Variants in MCTP2 observed in about 807,000 individuals in gnomAD.
The protein encoded by MCTP2 is multiple C2 and transmembrane domain-containing protein 2.
A neutral mutation model predicts 111.6 loss-of-function variants in MCTP2; 132 were observed. The ratio of observed to expected loss-of-function variants is 1.18; its 90% confidence interval spans 1.03 to 1.37. The LOEUF is 1.37. MCTP2 is among the 40% of genes most tolerant of loss of function. The probability of loss-of-function intolerance (pLI) is 0.00; values close to 1 mark genes in which losing one functional copy is unlikely to be tolerated. For missense variants in MCTP2, 1,183 were observed against 1,067.9 expected (o/e 1.11, Z -1.50); for synonymous variants, 395 against 387.7 (o/e 1.02, Z -0.22).
At position 94,278,404 on chromosome 15, in the gene MCTP2, G is replaced by A. The variant is rs373606640; in HGVS notation, c.-65-19797G>A. 2.8e-3 allele frequency: 424 copies of A among 152,228 alleles called. 3 individuals carry two copies. The highest frequency in any genetic ancestry group is 9.7e-3 in the African/African-American group (401 of 41,546). 9.4% of individuals were successfully genotyped at this position (152,228 alleles called of 1,614,324 possible). A position where few individuals can be genotyped will look rare whatever the true frequency, so the allele number is the denominator to read the frequency against. On this transcript the variant is annotated intron_variant, in intron 1 of 22. Transcript: ENST00000357742. ...GGCTGGGGTTGGTCTTTGCAGTAAA[G>A]GGTGCTTTACAATTAGATTATCCAA...
chr15:94,376,800 C>CA (rs1311810430), intron 12 of MCTP2, among the ~76,000 whole-genome samples: 1 of 151,794 alleles, frequency 6.6e-6, no homozygotes, highest in East Asian at 1.9e-4. Flanking sequence ...AAAAAGAAGG[C>CA]AAAAAAATAT....
At chr15:94,377,913 C>T (rs1389055735) in intron 12 of MCTP2, among the ~76,000 whole-genome samples, 1 of 151,952 alleles carries the variant, frequency 6.6e-6, no homozygotes, top group Non-Finnish European at 1.5e-5. Flanking sequence ...CAGGGCCCGC[C>T]CAGCTTTTTC....
At chr15:94,418,097 A>G (rs1308232995) in intron 17 of MCTP2, among the ~76,000 whole-genome samples, 3 of 152,142 alleles carry the variant, frequency 2.0e-5, no homozygotes, top group Admixed American at 2.0e-4. Context: ...TTCTATGAAC[A>G]TAAAGGAGTA....
At chr15:94,374,418 T>A (rs541956413) in intron 12 of MCTP2, among the ~76,000 whole-genome samples, 1 of 152,286 alleles carries the variant, frequency 6.6e-6, no homozygotes, top group Non-Finnish European at 1.5e-5. Flanking sequence ...CTTATTATAG[T>A]TGACAGTATG....
At chr15:94,297,270 C>T (rs1455466033) in intron 1 of MCTP2, among the ~76,000 whole-genome samples, 1 of 152,174 alleles carries the variant, frequency 6.6e-6, no homozygotes, top group Admixed American at 6.5e-5. Flanking sequence ...CACCACTTTC[C>T]TCCACAGCAT....
At chr15:94,443,864 A>G (rs141051772) in intron 19 of MCTP2, among the ~76,000 whole-genome samples, 1 of 152,078 alleles carries the variant, frequency 6.6e-6, no homozygotes, top group African/African-American at 2.4e-5. Flanking sequence ...AAGGGTTCAC[A>G]CAGATGCAAG....
intron 1 of MCTP2, among the ~76,000 whole-genome samples, chr15:94,265,333 C>T (rs953581635): frequency 6.6e-6 from 1 of 151,992 alleles, no homozygotes; most frequent in African/African-American, 2.4e-5. Flanking sequence ...CAGACAGAGG[C>T]AGACGAAGGG....
At chr15:94,453,999 C>T (rs892445181) in intron 19 of MCTP2, among the ~76,000 whole-genome samples, 1 of 152,160 alleles carries the variant, frequency 6.6e-6, no homozygotes, top group African/African-American at 2.4e-5. Flanking sequence ...ATATCATTTT[C>T]CACTTCAAGA....
intron 14 of MCTP2, among the ~76,000 whole-genome samples, chr15:94,397,698 G>T (rs1317781663): frequency 1.3e-5 from 2 of 152,138 alleles, no homozygotes; most frequent in Non-Finnish European, 2.9e-5. Context: ...TGGAATTGCT[G>T]TTTCCCCCCA....
At chr15:94,249,651 A>T (rs1482356898) in intron 1 of MCTP2, among the ~76,000 whole-genome samples, 1 of 151,942 alleles carries the variant, frequency 6.6e-6, no homozygotes, top group Non-Finnish European at 1.5e-5. Context: ...ACGCCCAGCT[A>T]ATTTTTTGTA....
chr15:94,449,530 G>T (rs2084316605), intron 19 of MCTP2, among the ~76,000 whole-genome samples: 1 of 152,128 alleles, frequency 6.6e-6, no homozygotes, highest in Admixed American at 6.5e-5. Context: ...GTTTATTGAT[G>T]TCTTTGTACC....
At chr15:94,291,399 T>C (rs1013676709) in intron 1 of MCTP2, among the ~76,000 whole-genome samples, 2 of 152,094 alleles carry the variant, frequency 1.3e-5, no homozygotes, top group African/African-American at 4.8e-5. Context: ...GGTCAGGAGT[T>C]CAAGACCAGC....
At chr15:94,245,499 TATATATGTATAC>T (rs904369341) in intron 1 of MCTP2, among the ~76,000 whole-genome samples, 1 of 141,660 alleles carries the variant, frequency 7.1e-6, no homozygotes, top group African/African-American at 2.5e-5. Flanking sequence ...TGTATGTATT[TATATATGTATAC>T]ATATATGTAT....
At chr15:94,233,442 T>C (rs956359373) in intron 1 of MCTP2, among the ~76,000 whole-genome samples, 1 of 152,164 alleles carries the variant, frequency 6.6e-6, no homozygotes, top group Non-Finnish European at 1.5e-5. Context: ...TTTCCTATTA[T>C]TGGTGTGCTT....
At chr15:94,418,532 T>C (rs1264997638) in intron 17 of MCTP2, among the ~76,000 whole-genome samples, 3 of 152,112 alleles carry the variant, frequency 2.0e-5, no homozygotes, top group Admixed American at 6.6e-5. Flanking sequence ...AGACCTGAAA[T>C]TATGATCATT....
chr15:94,258,807 T>C (rs774278129), intron 1 of MCTP2, among the ~76,000 whole-genome samples: 7 of 152,208 alleles, frequency 4.6e-5, no homozygotes, highest in Non-Finnish European at 8.8e-5. Context: ...GCAGTTTTGT[T>C]ATTTGTTTTC....
At chr15:94,324,489 C>T (rs2076770114) in intron 4 of MCTP2, among the ~76,000 whole-genome samples, 1 of 152,196 alleles carries the variant, frequency 6.6e-6, no homozygotes, top group Admixed American at 6.5e-5. Flanking sequence ...CCGTGAAAAT[C>T]ACTTCAGCTG....
At chr15:94,395,684 A>G (rs2081246899) in intron 14 of MCTP2, among the ~76,000 whole-genome samples, 1 of 152,188 alleles carries the variant, frequency 6.6e-6, no homozygotes, top group African/African-American at 2.4e-5. Context: ...AACTGGTTAT[A>G]TTTACTGTGC....
At chr15:94,257,156 A>G (rs1362414188) in intron 1 of MCTP2, among the ~76,000 whole-genome samples, 5 of 152,056 alleles carry the variant, frequency 3.3e-5, no homozygotes, top group African/African-American at 4.8e-5. Flanking sequence ...ATCCATTCCT[A>G]TTTTTGGAAT....
Sources: allele counts gnomAD v4.1 joint callset (sites outside exome capture counted in the v4.1 genomes callset), GRCh38; gene constraint gnomAD v4.1.1; transcripts MANE v1.5; gene names NCBI Gene and HGNC (gene_info 2026-07-23, HGNC 2026-07-21).